The following PHF24 variants were observed in gnomAD, a reference collection of about 807,000 sequenced individuals.
The protein encoded by PHF24 is Galpha inhibitory interacting protein.
A neutral mutation model predicts 42.6 loss-of-function variants in PHF24; 25 were observed. That is an observed-to-expected ratio of 0.59 (90% CI 0.43 to 0.82). The LOEUF (loss-of-function observed/expected upper bound fraction) is 0.82. Among genes scored for constraint, PHF24 ranks in the 40% least tolerant of loss-of-function variants. The probability of loss-of-function intolerance (pLI) is 0.00; values close to 1 mark genes in which losing one functional copy is unlikely to be tolerated. For synonymous variants in PHF24, 185 were observed against 204.8 expected (o/e 0.90, Z 0.83); for missense variants, 470 against 538.1 (o/e 0.87, Z 1.25).
chr9:34,856,558 G>A, the PHF24 span, among the ~76,000 whole-genome samples: 1 of 152,184 alleles, frequency 6.6e-6, no homozygotes, highest in East Asian at 1.9e-4. Context: ...TGCTGGGTGT[G>A]CACTCCAGAC....
At chr9:34,861,850 TC>T in the PHF24 span, among the ~76,000 whole-genome samples, 8 of 152,228 alleles carry the variant, frequency 5.3e-5, no homozygotes, top group African/African-American at 1.9e-4. Flanking sequence ...GGTTAAGGCA[TC>T]ACTTTAACCA....
chr9:34,841,161 G>A, the PHF24 span, among the ~76,000 whole-genome samples: 25 of 151,866 alleles, frequency 1.6e-4, no homozygotes, highest in African/African-American at 5.3e-4. Flanking sequence ...CACCACACCC[G>A]GCTAATTTTT....
upstream of PHF24, among the ~76,000 whole-genome samples, chr9:34,957,859 C>G (rs564120598): frequency 1.6e-3 from 246 of 152,052 alleles, no homozygotes; most frequent in African/African-American, 4.9e-3. Context: ...GGAACGCGAG[C>G]GGTGAGCGGC....
the PHF24 span, among the ~76,000 whole-genome samples, chr9:34,786,285 T>A: frequency 6.6e-6 from 1 of 152,334 alleles, no homozygotes; most frequent in Non-Finnish European, 1.5e-5. Context: ...AATTATCAAG[T>A]ACACATACTA....
the PHF24 span, among the ~76,000 whole-genome samples, chr9:34,812,944 TC>T: frequency 6.6e-6 from 1 of 152,158 alleles, no homozygotes; most frequent in Non-Finnish European, 1.5e-5. Flanking sequence ...TCTTGCCCCA[TC>T]CCCCACCTGA....
At chr9:34,767,803 C>G in the PHF24 span, among the ~76,000 whole-genome samples, 1 of 152,260 alleles carries the variant, frequency 6.6e-6, no homozygotes, top group Non-Finnish European at 1.5e-5. Flanking sequence ...GCGTCGCTCA[C>G]GCTGGGAGCT....
At chr9:34,771,613 AT>A in the PHF24 span, among the ~76,000 whole-genome samples, 2,952 of 152,296 alleles carry the variant, frequency 0.019, 104 homozygotes, top group African/African-American at 0.066. Context: ...GGAAATTTAC[AT>A]TTATATAATG....
the PHF24 span, among the ~76,000 whole-genome samples, chr9:34,911,581 A>T: frequency 6.6e-6 from 1 of 152,202 alleles, no homozygotes; most frequent in Admixed American, 6.5e-5. Flanking sequence ...GCCATTAGGT[A>T]CCATGGAGAT....
the PHF24 span, among the ~76,000 whole-genome samples, chr9:34,710,465 T>C: frequency 5.1e-5 from 7 of 136,318 alleles, no homozygotes; most frequent in Non-Finnish European, 9.5e-5. Context: ...TTGTAAGAGT[T>C]CTTTTTTTTT....
At chr9:34,871,390 G>A in the PHF24 span, among the ~76,000 whole-genome samples, 1 of 152,100 alleles carries the variant, frequency 6.6e-6, no homozygotes, top group Non-Finnish European at 1.5e-5. Context: ...TATGTGGTGT[G>A]TCTTCTCATT....
At chr9:34,710,872 T>C in the PHF24 span, among the ~76,000 whole-genome samples, 3 of 152,222 alleles carry the variant, frequency 2.0e-5, no homozygotes, top group African/African-American at 7.2e-5. Flanking sequence ...TCCTCCTGCC[T>C]TGGCCACCCA....
the PHF24 span, among the ~76,000 whole-genome samples, chr9:34,836,689 C>T: frequency 2.2e-4 from 33 of 152,300 alleles, 1 homozygote; most frequent in African/African-American, 7.9e-4. Context: ...TCATCTTGGT[C>T]AGCTCAGTCT....
chr9:34,860,688 G>GTGTA, the PHF24 span, among the ~76,000 whole-genome samples: 4 of 41,550 alleles, frequency 9.6e-5, no homozygotes, highest in East Asian at 6.5e-3. Context: ...ACCTTTAAAA[G>GTGTA]TGTGTGTGTG....
chr9:34,748,198 G>A, the PHF24 span, among the ~76,000 whole-genome samples: 3 of 152,308 alleles, frequency 2.0e-5, no homozygotes, highest in African/African-American at 7.2e-5. Context: ...ATAATTTGGT[G>A]TGGTCCCTTT....
At chr9:34,705,467 G>A in the PHF24 span, among the ~76,000 whole-genome samples, 1 of 151,758 alleles carries the variant, frequency 6.6e-6, no homozygotes. Flanking sequence ...TTTATTTTTT[G>A]TACAGACGAG....
At chr9:34,720,463 A>G in the PHF24 span, among the ~76,000 whole-genome samples, 1 of 113,114 alleles carries the variant, frequency 8.8e-6, no homozygotes, top group Admixed American at 8.7e-5. Context: ...AAAAAAAAAC[A>G]AAACAAAACA....
chr9:34,947,565 A>G, the PHF24 span, among the ~76,000 whole-genome samples: 8 of 152,302 alleles, frequency 5.3e-5, no homozygotes, highest in African/African-American at 1.9e-4. Flanking sequence ...ATTTAAAAAA[A>G]ATAGTTAACT....
chr9:34,889,241 C>T, the PHF24 span: 12 of 398,490 alleles, frequency 3.0e-5, no homozygotes, highest in Non-Finnish European at 5.3e-5. Flanking sequence ...GTGAGTTAGA[C>T]CTGGGATAGA....
chr9:34,688,685 C>T, the PHF24 span, among the ~76,000 whole-genome samples: 1 of 152,210 alleles, frequency 6.6e-6, no homozygotes, highest in Admixed American at 6.5e-5. Context: ...GGGGCTGGAC[C>T]TTGCTCAGTT....
Sources: allele counts gnomAD v4.1 joint callset (sites outside exome capture counted in the v4.1 genomes callset), GRCh38; gene constraint gnomAD v4.1.1; transcripts MANE v1.5; gene names NCBI Gene and HGNC (gene_info 2026-07-23, HGNC 2026-07-21).